Variants in CAPZA2 observed in about 807,000 individuals in gnomAD.
CAPZA2 encodes the protein capping actin protein of muscle Z-line subunit alpha 2, also known as F-actin-capping protein subunit alpha-2.
Under a neutral mutation model 44.0 loss-of-function variants are expected in CAPZA2, and 13 were observed. That is an observed-to-expected ratio of 0.30 (90% confidence interval 0.19 to 0.47). CAPZA2 has a LOEUF of 0.47. CAPZA2 is among the 20% of genes least tolerant of loss of function. CAPZA2 has a pLI of 1.00. For missense variants in CAPZA2, 244 were observed against 338.6 expected (o/e 0.72, Z 2.19); for synonymous variants, 94 against 108.2 (o/e 0.87, Z 0.81).
At position 116,904,358 on chromosome 7, in the gene CAPZA2, A is replaced by G. The variant is rs1350577684; in HGVS notation, c.401A>G (p.Glu134Gly). ...VETALRAYVK[E>G]HYPNGVCTVY... ...ACTGCTCTGAGAGCTTACGTAAAAGAACATTACCCGAATGGAGTCTGCACT... is the reference window on the plus strand; with the variant it reads ...ACTGCTCTGAGAGCTTACGTAAAAGGACATTACCCGAATGGAGTCTGCACT... The change falls in exon 5 of 10, where the codon GAA (glutamate) becomes GGA (glycine). Residue 134 changes from glutamate to glycine, a missense_variant. Transcript: ENST00000361183. The G allele has an allele frequency of 2.5e-6, 4 of 1,612,926 alleles. No individual in the cohort carries two copies. The African/African-American group carries it at 5.3e-5, about 21-fold the overall frequency.
rs891057930 is a variant in CAPZA2 at position 116,906,240 on chromosome 7, T to C, written c.427-23T>C. ...TTCCATGGCCCTAAATTCATTCTTA[T>C]GCTTATTTTCTTTGCCAATAAGGTG... On this transcript the variant is annotated intron_variant, in intron 5 of 9. Coordinates refer to ENST00000361183, the MANE Select transcript of CAPZA2 (RefSeq NM_006136.3). 6 of 1,604,554 alleles carry C rather than the reference T, an allele frequency of 3.7e-6. No homozygotes were observed. In the African/African-American group the frequency reaches 5.4e-5, roughly 14 times the overall value.
intron 2 of CAPZA2, 107 bp from the exon 3 acceptor site, chr7:116,892,887 C>G: frequency 1.6e-5 from 7 of 439,894 alleles, no homozygotes; most frequent in East Asian, 4.2e-5. Context: ...TTTGATCTTG[C>G]TTGTGTTTGG....
intron 4 of CAPZA2, among the ~76,000 whole-genome samples, chr7:116,900,318 T>C (rs1796979988): frequency 6.6e-6 from 1 of 151,662 alleles, no homozygotes; most frequent in Non-Finnish European, 1.5e-5. Flanking sequence ...ACATGAGAAC[T>C]TGTAAAATTT....
At chr7:116,894,845 G>A (rs1035391400) in intron 3 of CAPZA2, among the ~76,000 whole-genome samples, 19 of 151,696 alleles carry the variant, frequency 1.3e-4, no homozygotes, top group Non-Finnish European at 2.5e-4. Context: ...TCCTTTTTAG[G>A]GCTAATAATA....
rs936162505 is a variant in CAPZA2, at chr7:116,898,804, C to T, written c.188C>T (p.Thr63Ile). 1 of 1,599,266 alleles carries T rather than the reference C, an allele frequency of 6.3e-7. No individual in the cohort carries two copies. The highest frequency in any genetic ancestry group is 8.5e-7 in the Non-Finnish European group (1 of 1,169,646). ...AFAQYNLDQFTPVKIEGYEDQ... is the reference protein window; with the variant it reads ...AFAQYNLDQFIPVKIEGYEDQ... ...GCACAGTATAACTTGGACCAGTTTA[C>T]TCCAGTAAAAATTGAAGGTTATGAA... The change falls in exon 4 of 10, where the codon ACT (threonine) becomes ATT (isoleucine). Residue 63 changes from threonine to isoleucine, a missense_variant. Coordinates refer to ENST00000361183, the MANE Select transcript of CAPZA2 (RefSeq NM_006136.3).
chr7:116,891,422 T>G (rs1031778258), intron 2 of CAPZA2, among the ~76,000 whole-genome samples: 1 of 152,244 alleles, frequency 6.6e-6, no homozygotes, highest in African/African-American at 2.4e-5. Context: ...TTAAAATAGT[T>G]TTTTAGGCAG....
chr7:116,908,956 T>A (rs1791550956), intron 6 of CAPZA2, among the ~76,000 whole-genome samples: 2 of 152,304 alleles, frequency 1.3e-5, no homozygotes, highest in South Asian at 4.1e-4. Context: ...GTTGAATATC[T>A]CTTATCCAAA....
At position 116,888,118 on chromosome 7, in the gene CAPZA2, C is replaced by CTG; in HGVS notation, c.40-7_40-6dup. On this transcript the variant is annotated splice_polypyrimidine_tract_variant and intron_variant, in intron 1 of 9. Transcript: ENST00000361183. ...ATATGGAACATTTATATCTTTCTTT[C>CTG]TGTTTCAGGTGCGTATAGCAGCAAA... 6.3e-7 allele frequency: 1 copy of CTG among 1,598,876 alleles called. No homozygotes were observed. The highest frequency in any genetic ancestry group is 8.6e-7 in the Non-Finnish European group (1 of 1,169,536).
At chr7:116,908,469 C>T (rs565860981) in intron 6 of CAPZA2, among the ~76,000 whole-genome samples, 7 of 152,084 alleles carry the variant, frequency 4.6e-5, no homozygotes, top group Non-Finnish European at 7.4e-5. Flanking sequence ...AGTTAATAAA[C>T]GAGAGGGGCA....
At chr7:116,877,887 G>A (rs948914924) in intron 1 of CAPZA2, among the ~76,000 whole-genome samples, 1 of 152,192 alleles carries the variant, frequency 6.6e-6, no homozygotes, top group African/African-American at 2.4e-5. Context: ...TTTGGAGAAA[G>A]ATGAGGCCAG....
chr7:116,890,023 A>G (rs1796811120), intron 2 of CAPZA2, among the ~76,000 whole-genome samples: 1 of 152,198 alleles, frequency 6.6e-6, no homozygotes, highest in Non-Finnish European at 1.5e-5. Context: ...GTGGCATGTA[A>G]CTTAAATTGA....
intron 3 of CAPZA2, among the ~76,000 whole-genome samples, chr7:116,898,265 CTTTTT>C (rs529306104): frequency 6.9e-6 from 1 of 145,310 alleles, no homozygotes; most frequent in African/African-American, 2.5e-5. Flanking sequence ...AGAATGTAAT[CTTTTT>C]TTTTTTTTAA....
At position 116,906,227 on chromosome 7, in the gene CAPZA2, A is replaced by T. The variant is rs774008167; in HGVS notation, c.427-36A>T. 4 of 1,601,382 alleles carry T rather than the reference A, an allele frequency of 2.5e-6. No homozygotes were observed. The South Asian group carries it at 4.5e-5, about 18-fold the overall frequency. ...TTAAAGTTGGACATTCCATGGCCCT[A>T]AATTCATTCTTATGCTTATTTTCTT... is the stretch of plus-strand genomic sequence containing the variant. On this transcript the variant is annotated intron_variant, in intron 5 of 9. Coordinates refer to ENST00000361183, the MANE Select transcript of CAPZA2 (RefSeq NM_006136.3).
chr7:116,868,713 A>G (rs1267800318), intron 1 of CAPZA2, among the ~76,000 whole-genome samples: 1 of 152,220 alleles, frequency 6.6e-6, no homozygotes, highest in African/African-American at 2.4e-5. Context: ...CAGCCTGGGC[A>G]ATAGAGCAAG....
At chr7:116,885,575 C>T (rs886459668) in intron 1 of CAPZA2, among the ~76,000 whole-genome samples, 3 of 152,256 alleles carry the variant, frequency 2.0e-5, no homozygotes, top group South Asian at 2.1e-4. Flanking sequence ...GTCACAAGTC[C>T]GGGCATTAGG....
chr7:116,917,802 C>T lies in CAPZA2; in HGVS notation c.796C>T (p.Arg266Cys). The T allele has an allele frequency of 1.2e-6, 2 of 1,610,166 alleles. No homozygotes were observed. The highest frequency in any genetic ancestry group is 1.7e-6 in the Non-Finnish European group (2 of 1,176,360). The change falls in exon 10 of 10, where the codon CGC becomes TGC. Residue 266 changes from arginine (R) to cysteine (C), a missense_variant. By Grantham distance (180) the Arg-to-Cys change is radical. Coordinates refer to ENST00000361183, the MANE Select transcript of CAPZA2 (RefSeq NM_006136.3). ...CTTACGTCGACAGTTGCCAGTTACA[C>T]GCACTAAGATTGATTGGAACAAGAT... ...KALRRQLPVT[R>C]TKIDWNKILS...
chr7:116,864,799 G>A (rs975382073), intron 1 of CAPZA2, among the ~76,000 whole-genome samples: 5 of 152,064 alleles, frequency 3.3e-5, no homozygotes, highest in Non-Finnish European at 7.3e-5. Flanking sequence ...AACTACTCTG[G>A]ATGCCAAGGT....
At chr7:116,917,372 A>T (rs1160995200) in intron 9 of CAPZA2, among the ~76,000 whole-genome samples, 1 of 151,998 alleles carries the variant, frequency 6.6e-6, no homozygotes, top group Non-Finnish European at 1.5e-5. Flanking sequence ...CTCCCACCTC[A>T]GCTTCCCGAG....
At chr7:116,897,536 T>G (rs1796943723) in intron 3 of CAPZA2, among the ~76,000 whole-genome samples, 1 of 152,130 alleles carries the variant, frequency 6.6e-6, no homozygotes, top group Non-Finnish European at 1.5e-5. Context: ...AGCTAATACC[T>G]GAAAATTCAG....
Sources: gnomAD v4.1 joint callset for allele counts (sites outside exome capture counted in the v4.1 genomes callset) on GRCh38, gnomAD v4.1.1 for gene constraint, MANE v1.5 for transcripts, NCBI Gene and HGNC (gene_info 2026-07-23, HGNC 2026-07-21) for gene names.